NCKAP5: variants seen among roughly 807,000 people sequenced by gnomAD.
NCKAP5 encodes NCK associated protein 5, also known as nck-associated protein 5.
A neutral mutation model predicts 167.0 loss-of-function variants in NCKAP5; 92 were observed. That is an observed-to-expected ratio of 0.55 (90% CI 0.47 to 0.66). The LOEUF (loss-of-function observed/expected upper bound fraction) is 0.66, where lower values mean the gene tolerates loss of function less well. Ranked by LOEUF, NCKAP5 falls within the 30% of genes least tolerant of loss-of-function variation. The pLI is 0.00. For synonymous variants in NCKAP5, 891 were observed against 877.4 expected (o/e 1.02, Z -0.27); for missense variants, 2,378 against 2,315.0 (o/e 1.03, Z -0.56).
At chr2:132,726,828 C>T (rs114396612) in intron 18 of NCKAP5, among the ~76,000 whole-genome samples, 197 of 152,296 alleles carry the variant, frequency 1.3e-3, no homozygotes, top group African/African-American at 4.3e-3. Flanking sequence ...GGGTGGAGAG[C>T]TTAATACTGG....
chr2:132,877,690 T>C (rs1028584862), intron 9 of NCKAP5, among the ~76,000 whole-genome samples: 3 of 152,204 alleles, frequency 2.0e-5, no homozygotes, highest in Admixed American at 1.3e-4. Flanking sequence ...ACAAGAGTTA[T>C]ATACGGCGTT....
At chr2:133,363,237 CTT>C (rs1270666035) in intron 3 of NCKAP5, among the ~76,000 whole-genome samples, 2 of 152,160 alleles carry the variant, frequency 1.3e-5, no homozygotes, top group East Asian at 3.8e-4. Flanking sequence ...CTGAGTAACT[CTT>C]TACCACTGAC....
chr2:132,868,420 T>C (rs1690524118), intron 10 of NCKAP5, among the ~76,000 whole-genome samples: 2 of 152,196 alleles, frequency 1.3e-5, no homozygotes, highest in African/African-American at 4.8e-5. Context: ...CATTATTTTA[T>C]ATGTACCACA....
At chr2:133,366,074 T>C (rs1031813311) in intron 3 of NCKAP5, among the ~76,000 whole-genome samples, 2 of 152,214 alleles carry the variant, frequency 1.3e-5, no homozygotes, top group African/African-American at 4.8e-5. Flanking sequence ...AATTGATGGT[T>C]TGTCTTAAAA....
At chr2:133,464,929 C>T (rs1265320900) in intron 3 of NCKAP5, among the ~76,000 whole-genome samples, 2 of 150,862 alleles carry the variant, frequency 1.3e-5, no homozygotes, top group Admixed American at 6.6e-5. Context: ...TAACTTGGGG[C>T]CAATTATAGA....
chr2:133,345,971 C>G (rs982103519), intron 3 of NCKAP5, among the ~76,000 whole-genome samples: 1 of 152,138 alleles, frequency 6.6e-6, no homozygotes, highest in African/African-American at 2.4e-5. Context: ...TATTTGAGGA[C>G]AGCAAGAAGC....
chr2:132,925,280 C>T (rs1029064260), intron 8 of NCKAP5, among the ~76,000 whole-genome samples: 24 of 151,938 alleles, frequency 1.6e-4, no homozygotes, highest in African/African-American at 5.6e-4. Context: ...GCTGGCCAGG[C>T]ACGGTGGCTC....
chr2:133,537,980 C>T (rs1438354224), intron 2 of NCKAP5, among the ~76,000 whole-genome samples: 1 of 152,148 alleles, frequency 6.6e-6, no homozygotes, highest in Non-Finnish European at 1.5e-5. Flanking sequence ...CTCCTATAAC[C>T]TCAGAAAAAC....
At chr2:132,745,799 T>C (rs1368197066) in intron 16 of NCKAP5, among the ~76,000 whole-genome samples, 3 of 151,994 alleles carry the variant, frequency 2.0e-5, no homozygotes, top group African/African-American at 7.2e-5. Flanking sequence ...TTAGTATGTA[T>C]TATAAATAAT....
intron 19 of NCKAP5, among the ~76,000 whole-genome samples, chr2:132,718,861 G>T (rs1376641712): frequency 6.6e-6 from 1 of 152,204 alleles, no homozygotes; most frequent in East Asian, 1.9e-4. Flanking sequence ...ACTAATGAGG[G>T]AGTTGAATGT....
intron 8 of NCKAP5, among the ~76,000 whole-genome samples, chr2:132,944,254 G>A (rs1697524992): frequency 6.6e-6 from 1 of 152,172 alleles, no homozygotes; most frequent in Non-Finnish European, 1.5e-5. Context: ...ATGGCCTTAG[G>A]AGGCAGATCT....
At chr2:133,617,991 A>G in the NCKAP5 span, among the ~76,000 whole-genome samples, 35,913 of 151,966 alleles carry the variant, frequency 0.24, 4,479 homozygotes, top group East Asian at 0.32. Flanking sequence ...GGCCTCAGAA[A>G]TAATGCCCCA....
At chr2:132,696,904 G>C (rs1433143228) in intron 19 of NCKAP5, among the ~76,000 whole-genome samples, 2 of 151,938 alleles carry the variant, frequency 1.3e-5, no homozygotes, top group Non-Finnish European at 2.9e-5. Flanking sequence ...ATTTGGGTTG[G>C]GGGAACATGG....
intron 3 of NCKAP5, among the ~76,000 whole-genome samples, chr2:133,474,157 C>CTATCTATCTATCT (rs1559511839): frequency 7.9e-5 from 7 of 88,232 alleles, no homozygotes; most frequent in African/African-American, 3.7e-4. Context: ...TCTATCTATA[C>CTATCTATCTATCT]ACACACACAC....
chr2:132,683,974 C>T (rs1365108826), intron 19 of NCKAP5, among the ~76,000 whole-genome samples: 1 of 152,140 alleles, frequency 6.6e-6, no homozygotes. Context: ...AATTCTAGTA[C>T]CAGGTACCAC....
At chr2:133,089,465 A>G (rs16847578) in intron 6 of NCKAP5, among the ~76,000 whole-genome samples, 5,782 of 152,284 alleles carry the variant, frequency 0.038, 206 homozygotes, top group African/African-American at 0.094. Context: ...GTGGAGACTG[A>G]TGGCTCAAAA....
At chr2:133,335,778 T>A (rs1683171672) in intron 3 of NCKAP5, among the ~76,000 whole-genome samples, 1 of 152,216 alleles carries the variant, frequency 6.6e-6, no homozygotes, top group Non-Finnish European at 1.5e-5. Flanking sequence ...CTTTAAGAAT[T>A]GCTTTGCTAA....
intron 19 of NCKAP5, among the ~76,000 whole-genome samples, chr2:132,674,683 T>C (rs1052249799): frequency 5.3e-5 from 8 of 152,162 alleles, no homozygotes; most frequent in African/African-American, 1.9e-4. Context: ...ATGTGAAGAA[T>C]GGAAAGAGAA....
chr2:133,034,594 G>T (rs1412344558), intron 6 of NCKAP5, among the ~76,000 whole-genome samples: 1 of 151,984 alleles, frequency 6.6e-6, no homozygotes, highest in Non-Finnish European at 1.5e-5. Flanking sequence ...GATGTAAATA[G>T]AAACAAAAAA....
Sources: gnomAD v4.1 joint callset for allele counts (sites outside exome capture counted in the v4.1 genomes callset) on GRCh38, gnomAD v4.1.1 for gene constraint, MANE v1.5 for transcripts, NCBI Gene and HGNC (gene_info 2026-07-23, HGNC 2026-07-21) for gene names.